RGS7: variants seen among roughly 807,000 people sequenced by gnomAD.
RGS7 encodes regulator of G protein signaling 7.
In RGS7, 27 loss-of-function variants were observed where a neutral mutation model predicts 81.1. That is an observed-to-expected ratio of 0.33 (90% CI 0.25 to 0.46). RGS7 has a LOEUF of 0.46. RGS7 is among the 20% of genes least tolerant of loss of function. The pLI is 1.00. For missense variants in RGS7, 396 were observed against 607.4 expected (o/e 0.65, Z 3.66); for synonymous variants, 208 against 207.7 (o/e 1.00, Z -0.01).
chr1:241,221,770 C>A (rs1395141454), intron 2 of RGS7, among the ~76,000 whole-genome samples: 1 of 152,224 alleles, frequency 6.6e-6, no homozygotes, highest in Admixed American at 6.5e-5. Flanking sequence ...GGCCTTCGAA[C>A]TTGAATGGAA....
chr1:240,963,964 A>ATTG (rs1681884285), intron 4 of RGS7, among the ~76,000 whole-genome samples: 1 of 152,162 alleles, frequency 6.6e-6, no homozygotes, highest in Admixed American at 6.5e-5. Flanking sequence ...GTGAGCTGTG[A>ATTG]TTGTGCCACT....
chr1:240,800,552 AAC>A (rs143139365), intron 18 of RGS7, 87 bp downstream of exon 18: 12,677 of 622,136 alleles, frequency 0.02, no homozygotes, highest in South Asian at 0.031. Context: ...CAAAAGCCAC[AAC>A]ACACACACAC....
At chr1:241,037,993 G>A (rs1051808959) in intron 3 of RGS7, among the ~76,000 whole-genome samples, 1 of 152,118 alleles carries the variant, frequency 6.6e-6, no homozygotes, top group African/African-American at 2.4e-5. Context: ...ATAAAAGACA[G>A]CATTTTGGGT....
intron 2 of RGS7, among the ~76,000 whole-genome samples, chr1:241,250,981 T>C (rs1366681922): frequency 6.6e-6 from 1 of 152,224 alleles, no homozygotes; most frequent in Admixed American, 6.5e-5. Flanking sequence ...GCATTGGTGC[T>C]CAGTAAGTGT....
chr1:240,911,084 C>T (rs75732297), intron 6 of RGS7, among the ~76,000 whole-genome samples: 1 of 152,108 alleles, frequency 6.6e-6, no homozygotes, highest in South Asian at 2.1e-4. Context: ...CTGTGCCAGA[C>T]GCATTTATTG....
intron 18 of RGS7, among the ~76,000 whole-genome samples, chr1:240,787,767 GAAT>G (rs1283389072): frequency 4.6e-5 from 7 of 152,106 alleles, no homozygotes; most frequent in Non-Finnish European, 1.0e-4. Flanking sequence ...ACACTAAAGT[GAAT>G]AAGTAAACAA....
At chr1:241,063,647 T>C (rs1298954114) in intron 3 of RGS7, among the ~76,000 whole-genome samples, 2 of 152,220 alleles carry the variant, frequency 1.3e-5, no homozygotes, top group East Asian at 3.9e-4. Flanking sequence ...TATCTTGTCC[T>C]ATTTTCCAAC....
At chr1:241,202,950 T>C (rs957169902) in intron 2 of RGS7, among the ~76,000 whole-genome samples, 2 of 152,082 alleles carry the variant, frequency 1.3e-5, no homozygotes, top group African/African-American at 4.8e-5. Context: ...GTCCCTCATA[T>C]TGGGATATCA....
chr1:241,306,436 A>G (rs540943964), intron 2 of RGS7, among the ~76,000 whole-genome samples: 32 of 145,210 alleles, frequency 2.2e-4, no homozygotes, highest in African/African-American at 8.2e-4. Context: ...CACCCTTTAC[A>G]CACACCCCCA....
intron 2 of RGS7, among the ~76,000 whole-genome samples, chr1:241,334,210 G>C (rs1167144128): frequency 6.6e-6 from 1 of 152,110 alleles, no homozygotes; most frequent in African/African-American, 2.4e-5. Flanking sequence ...CTTAGCTTCT[G>C]CACTGAAGTT....
chr1:240,984,020 G>A (rs559043948), intron 3 of RGS7, among the ~76,000 whole-genome samples: 1 of 152,258 alleles, frequency 6.6e-6, no homozygotes, highest in East Asian at 1.9e-4. Context: ...TGCTGAAGGG[G>A]CCTACGTAAA....
At position 240,850,065 on chromosome 1, in the gene RGS7, G is replaced by T. The variant is rs1400326737; in HGVS notation, c.609+18522C>A. Among the ~76,000 whole-genome samples, 8 of 152,302 alleles carry T rather than the reference G, an allele frequency of 5.3e-5. No individual in the cohort carries two copies. The East Asian group carries it at 1.5e-3, about 29-fold the overall frequency. The stretch of plus-strand genomic sequence containing the variant: ...CCTCATTTAGTACTTGTGGAACTTT[G>T]CACAACTTAAATGTCCCATGTCTGA... On this transcript the variant is annotated intron_variant, in intron 9 of 18. Transcript: ENST00000440928.
At chr1:241,183,872 C>G (rs2071856531) in intron 2 of RGS7, among the ~76,000 whole-genome samples, 1 of 152,204 alleles carries the variant, frequency 6.6e-6, no homozygotes, top group African/African-American at 2.4e-5. Context: ...ATCAGAGAAC[C>G]TGGCATCTCT....
At chr1:241,008,217 A>T (rs890024636) in intron 3 of RGS7, among the ~76,000 whole-genome samples, 1 of 152,202 alleles carries the variant, frequency 6.6e-6, no homozygotes, top group Non-Finnish European at 1.5e-5. Context: ...TCTAAAAAAA[A>T]ATTCTAAAGA....
intron 7 of RGS7, among the ~76,000 whole-genome samples, chr1:240,869,296 C>T (rs1014424394): frequency 1.3e-5 from 2 of 152,130 alleles, no homozygotes; most frequent in Non-Finnish European, 2.9e-5. Flanking sequence ...TATTCCTACA[C>T]AGTGCTTTGA....
At chr1:240,837,363 G>T (rs73132460) in intron 9 of RGS7, among the ~76,000 whole-genome samples, 14,488 of 152,220 alleles carry the variant, frequency 0.095, 1,642 homozygotes, top group African/African-American at 0.27. Context: ...CATGCAAAGA[G>T]TTTCAATTGG....
At chr1:241,126,468 T>C (rs1242939395) in intron 2 of RGS7, among the ~76,000 whole-genome samples, 2 of 152,148 alleles carry the variant, frequency 1.3e-5, no homozygotes, top group Non-Finnish European at 1.5e-5. Context: ...TTTTTTGCTC[T>C]GTAATGGGGC....
chr1:240,972,520 G>C (rs1337699630), intron 4 of RGS7, among the ~76,000 whole-genome samples: 2 of 115,420 alleles, frequency 1.7e-5, no homozygotes, highest in Non-Finnish European at 3.5e-5. Flanking sequence ...CACAGGAAGG[G>C]GAATATCACA....
intron 2 of RGS7, among the ~76,000 whole-genome samples, chr1:241,293,196 C>T (rs554133839): frequency 2.0e-5 from 3 of 152,272 alleles, no homozygotes; most frequent in African/African-American, 7.2e-5. Context: ...AGTTGTAGCA[C>T]AATGCATTAC....
Sources: gnomAD v4.1 joint callset for allele counts (sites outside exome capture counted in the v4.1 genomes callset) on GRCh38, gnomAD v4.1.1 for gene constraint, MANE v1.5 for transcripts, NCBI Gene and HGNC (gene_info 2026-07-23, HGNC 2026-07-21) for gene names.